SH2D7: variants seen among roughly 807,000 people sequenced by gnomAD.
SH2D7 encodes the protein SH2 domain-containing protein 7.
SH2D7 carries 32 observed loss-of-function variants against 40.8 expected under a neutral mutation model. The observed-to-expected ratio is 0.78, with a 90% CI of 0.59 to 1.05. The LOEUF is 1.05. Ranked by LOEUF, SH2D7 falls within the 50% of genes least tolerant of loss-of-function variation. The pLI is 0.00. For missense variants in SH2D7, 559 were observed against 566.6 expected, an observed-to-expected ratio of 0.99 and a Z score of 0.14; for synonymous variants, 195 against 221.5, an observed-to-expected ratio of 0.88 and a Z score of 1.06.
At chr15:78,092,366 G>A (rs2073944555), upstream of SH2D7, among the ~76,000 whole-genome samples, 1 of 152,178 alleles carries the variant, frequency 6.6e-6, no homozygotes, top group African/African-American at 2.4e-5. Flanking sequence ...CTCTCAGGCT[G>A]CTACGGTGAT....
intron 1 of SH2D7, among the ~76,000 whole-genome samples, chr15:78,093,165 G>A (rs938051992): frequency 1.3e-5 from 2 of 152,196 alleles, no homozygotes; most frequent in African/African-American, 4.8e-5. Context: ...GTTATCCTAG[G>A]TATAAAGGCC....
intron 4 of SH2D7, among the ~76,000 whole-genome samples, chr15:78,099,260 G>A (rs188430939): frequency 1.5e-3 from 232 of 152,022 alleles, no homozygotes; most frequent in African/African-American, 4.8e-3. Flanking sequence ...CAAGTGATCC[G>A]CCCGCCTTGG....
chr15:78,090,927 C>T (rs1247900525), upstream of SH2D7, among the ~76,000 whole-genome samples: 1 of 152,200 alleles, frequency 6.6e-6, no homozygotes, highest in Non-Finnish European at 1.5e-5. Context: ...ACTCAATCCA[C>T]ACTCACTCAA....
At chr15:78,099,218 T>C (rs1451809317) in intron 4 of SH2D7, among the ~76,000 whole-genome samples, 3 of 152,128 alleles carry the variant, frequency 2.0e-5, no homozygotes, top group African/African-American at 7.2e-5. Context: ...GGTTTCAACA[T>C]ATTGGCCAGG....
intron 4 of SH2D7, among the ~76,000 whole-genome samples, chr15:78,099,865 C>T (rs1296560330): frequency 6.6e-6 from 1 of 152,090 alleles, no homozygotes; most frequent in Non-Finnish European, 1.5e-5. Context: ...CTACCATCTG[C>T]CTGCAATGCT....
chr15:78,100,133 C>T (rs192576053), intron 4 of SH2D7, among the ~76,000 whole-genome samples: 76 of 152,382 alleles, frequency 5.0e-4, no homozygotes, highest in African/African-American at 1.3e-3. Flanking sequence ...GGCTGCCCAT[C>T]TCCCAGATTA....
chr15:78,098,240 A>G (rs1596340944), intron 3 of SH2D7, 144 bp from the exon 4 acceptor site: 1 of 1,376,344 alleles, frequency 7.3e-7, no homozygotes, highest in East Asian at 2.5e-5. Context: ...TCCCTATTGG[A>G]AAAAGGGAGA....
At position 78,103,553 on chromosome 15, in the gene SH2D7, G is replaced by T; in HGVS notation, c.*38G>T. The T allele has an allele frequency of 1.3e-6, 2 of 1,554,056 alleles. No individual in the cohort carries two copies. The highest frequency in any genetic ancestry group is 1.7e-6 in the Non-Finnish European group (2 of 1,148,212). On this transcript the variant is annotated 3_prime_UTR_variant, in exon 6 of 6. Transcript: ENST00000328828. ...CGGCAGCCCACCAGTGGGTTTCCTG[G>T]TACCCAGGCCATGCCAGGGGTTATC...
chr15:78,103,329 A>G, intron 5 of SH2D7, 136 bp from the exon 6 acceptor site: 9 of 923,218 alleles, frequency 9.7e-6, no homozygotes, highest in Non-Finnish European at 1.4e-5. Context: ...TGTGGAATCA[A>G]CTATCAGAAT....
chr15:78,090,671 T>C (rs1189462117), upstream of SH2D7, among the ~76,000 whole-genome samples: 1 of 148,040 alleles, frequency 6.8e-6, no homozygotes. Context: ...ATCAAATTAA[T>C]AGCTAATCCT....
chr15:78,092,019 C>G (rs947796253), upstream of SH2D7, among the ~76,000 whole-genome samples: 2 of 152,244 alleles, frequency 1.3e-5, no homozygotes, highest in South Asian at 2.1e-4. Flanking sequence ...TTGTCTCCCT[C>G]TAGAATGTAT....
intron 4 of SH2D7, among the ~76,000 whole-genome samples, chr15:78,100,001 T>C (rs1434174206): frequency 3.9e-5 from 6 of 152,230 alleles, no homozygotes; most frequent in African/African-American, 1.4e-4. Context: ...CCGTTCTCTC[T>C]ATCCCATGAC....
intron 2 of SH2D7, 23 bp from the exon 3 acceptor site, chr15:78,097,906 G>A (rs2073983210): frequency 6.2e-7 from 1 of 1,610,518 alleles, no homozygotes; most frequent in African/African-American, 1.3e-5. Context: ...AGCAGCCCCA[G>A]ACCACAAGCA....
intron 2 of SH2D7, among the ~76,000 whole-genome samples, chr15:78,094,536 G>A (rs966516425): frequency 3.9e-5 from 6 of 152,170 alleles, no homozygotes; most frequent in African/African-American, 1.4e-4. Flanking sequence ...TAGATGGAAC[G>A]CCATGTGCAA....
rs1197271503 is a variant in SH2D7 at position 78,103,645 on chromosome 15, T to C, written c.*130T>C. 4 of 1,177,192 alleles carry C rather than the reference T, an allele frequency of 3.4e-6. No homozygotes were observed. The African/African-American group carries it at 6.1e-5, about 18-fold the overall frequency. 72.9% of individuals were successfully genotyped at this position (1,177,192 alleles called of 1,614,324 possible). A position where few individuals can be genotyped will look rare whatever the true frequency, so the allele number is the denominator to read the frequency against. ...AGACTCATCCAGCCTGCTACAGAAC[T>C]AGGCTCCGAGACAGCCGAGGTGCCT... On this transcript the variant is annotated 3_prime_UTR_variant, in exon 6 of 6. Coordinates refer to ENST00000328828, the MANE Select transcript of SH2D7 (RefSeq NM_001101404.2).
At chr15:78,095,937 G>A (rs2073969306) in intron 2 of SH2D7, among the ~76,000 whole-genome samples, 1 of 152,094 alleles carries the variant, frequency 6.6e-6, no homozygotes, top group Non-Finnish European at 1.5e-5. Flanking sequence ...TTGCCTCCCG[G>A]GTTCAAGCAA....
chr15:78,102,727 C>T (rs1485301680), intron 5 of SH2D7, among the ~76,000 whole-genome samples: 1 of 151,896 alleles, frequency 6.6e-6, no homozygotes, highest in Non-Finnish European at 1.5e-5. Flanking sequence ...GTGTGGAGAG[C>T]GGTGGCCAGG....
At chr15:78,092,852 A>G (rs1308404086) in intron 1 of SH2D7, 92 bp downstream of exon 1, 1 of 1,423,102 alleles carries the variant, frequency 7.0e-7, no homozygotes, top group East Asian at 2.5e-5. Flanking sequence ...ACTGGTTCCC[A>G]TCCTTTCCCT....
At chr15:78,090,420 T>C (rs1405686322), upstream of SH2D7, among the ~76,000 whole-genome samples, 1 of 151,858 alleles carries the variant, frequency 6.6e-6, no homozygotes, top group Non-Finnish European at 1.5e-5. Context: ...AATAAATAAA[T>C]AAATAAGATG....
Sources: allele counts gnomAD v4.1 joint callset (sites outside exome capture counted in the v4.1 genomes callset), GRCh38; gene constraint gnomAD v4.1.1; transcripts MANE v1.5; gene names NCBI Gene and HGNC (gene_info 2026-07-23, HGNC 2026-07-21).